The following ERO1B variants were observed in gnomAD, a reference collection of about 807,000 sequenced individuals.
The protein encoded by ERO1B is endoplasmic reticulum oxidoreductase 1 beta, also known as ERO1-like protein beta.
In ERO1B, 49 loss-of-function variants were observed where a neutral mutation model predicts 75.3. The observed-to-expected ratio is 0.65, with a 90% CI of 0.52 to 0.83. The LOEUF (loss-of-function observed/expected upper bound fraction) is 0.83, where lower values mean the gene tolerates loss of function less well. Among genes scored for constraint, ERO1B ranks in the 40% least tolerant of loss-of-function variants. The pLI is 0.00. For synonymous variants in ERO1B, 191 were observed against 192.9 expected, an observed-to-expected ratio of 0.99 and a Z score of 0.08; for missense variants, 512 against 560.1, an observed-to-expected ratio of 0.91 and a Z score of 0.87.
At chr1:236,267,604 C>T (rs1355340941) in intron 2 of ERO1B, among the ~76,000 whole-genome samples, 1 of 152,146 alleles carries the variant, frequency 6.6e-6, no homozygotes, top group African/African-American at 2.4e-5. Context: ...ACACTTCCCC[C>T]ACTGTATTAC....
At chr1:236,225,636 T>G (rs949838548) in intron 12 of ERO1B, among the ~76,000 whole-genome samples, 1 of 152,200 alleles carries the variant, frequency 6.6e-6, no homozygotes, top group Non-Finnish European at 1.5e-5. Context: ...CATCTAAATT[T>G]AAATATAGTG....
At chr1:236,255,395 C>A (rs1749565) in intron 2 of ERO1B, among the ~76,000 whole-genome samples, 37,899 of 151,950 alleles carry the variant, frequency 0.25, 4,898 homozygotes, top group East Asian at 0.38. Context: ...AGTATGCAAC[C>A]TCTACCCCAA....
In ERO1B at chr1:236,279,028, T is replaced by C. The variant is rs1257598872; in HGVS notation, c.102+2654A>G. Among the ~76,000 whole-genome samples the C allele has an allele frequency of 2.6e-5, 4 of 152,338 alleles. No individual in the cohort carries two copies. In the East Asian group the frequency reaches 7.7e-4, roughly 29 times the overall value. On this transcript the variant is annotated intron_variant, in intron 1 of 15. Transcript: ENST00000354619. ...TTCCTATTTTCCATCTCTTTTTCTA[T>C]ACTAGAGAGAACTGAAAATACCAAC...
chr1:236,267,565 T>C (rs932802157), intron 2 of ERO1B, among the ~76,000 whole-genome samples: 2 of 152,224 alleles, frequency 1.3e-5, no homozygotes, highest in Non-Finnish European at 2.9e-5. Context: ...ACTGGACCAC[T>C]TGTGAAGAGA....
intron 4 of ERO1B, chr1:236,251,440 TA>T: frequency 1.0e-6 from 1 of 961,822 alleles, no homozygotes; most frequent in South Asian, 4.8e-5. Context: ...GAAGCAAAAA[TA>T]AATACAATAA....
At chr1:236,234,709 A>C (rs1472485262) in intron 8 of ERO1B, among the ~76,000 whole-genome samples, 2 of 152,178 alleles carry the variant, frequency 1.3e-5, no homozygotes, top group Admixed American at 1.3e-4. Context: ...TTCCAAGTCT[A>C]TTTGGTTCTC....
chr1:236,218,303 C>A lies in ERO1B; in HGVS notation c.*213G>T. On this transcript the variant is annotated 3_prime_UTR_variant, in exon 16 of 16. Coordinates refer to ENST00000354619, the MANE Select transcript of ERO1B (RefSeq NM_019891.4). ...GAAATTAAACACAAAATTAGTATAA[C>A]TTACATGTTTTAAAAGTATATACTT... 3.6e-6 allele frequency: 1 copy of A among 277,980 alleles called. No homozygotes were observed. The highest frequency in any genetic ancestry group is 6.3e-6 in the Non-Finnish European group (1 of 158,308). 17.2% of individuals were successfully genotyped at this position (277,980 alleles called of 1,614,324 possible). A position where few individuals can be genotyped will look rare whatever the true frequency, so the allele number is the denominator to read the frequency against.
At chr1:236,231,425 A>G (rs908441163) in intron 9 of ERO1B, among the ~76,000 whole-genome samples, 2 of 152,032 alleles carry the variant, frequency 1.3e-5, no homozygotes, top group Non-Finnish European at 1.5e-5. Flanking sequence ...TTCGCCAAAA[A>G]AATGGTATGT....
intron 5 of ERO1B, 97 bp from the exon 6 acceptor site, chr1:236,243,592 C>A: frequency 1.3e-6 from 1 of 750,622 alleles, no homozygotes; most frequent in South Asian, 2.3e-5. Context: ...AATCTGAGGT[C>A]AGTTAAAGAT....
Position 236,281,834 on chromosome 1 carries a change from C to G in ERO1B, c.-51G>C. ...AGCCGGACCCCTCGGGGCCGGGGAA[C>G]GACGGGCGGCCCAGGCGACGACCCA... On this transcript the variant is annotated 5_prime_UTR_variant, in exon 1 of 16. Coordinates refer to ENST00000354619, the MANE Select transcript of ERO1B (RefSeq NM_019891.4). 1 of 1,311,352 alleles carries G rather than the reference C, an allele frequency of 7.6e-7. No homozygotes were observed. The highest frequency in any genetic ancestry group is 9.9e-7 in the Non-Finnish European group (1 of 1,011,334). The allele number at this position is 1,311,352 out of a possible 1,614,324, so 81.2% of individuals were successfully genotyped here.
At chr1:236,237,501 T>C (rs1487717797) in intron 6 of ERO1B, among the ~76,000 whole-genome samples, 1 of 152,192 alleles carries the variant, frequency 6.6e-6, no homozygotes, top group Non-Finnish European at 1.5e-5. Flanking sequence ...TGAATAGAAA[T>C]GGGAAACGTG....
Position 236,215,602 on chromosome 1 carries a change from A to G in ERO1B, c.*2914T>C, listed in dbSNP as rs1311186579. 6.6e-6 allele frequency: 1 copy of G among 152,242 alleles called. No individual in the cohort carries two copies. The highest frequency in any genetic ancestry group is 2.4e-5 in the African/African-American group (1 of 41,472). The allele number at this position is 152,242 out of a possible 1,614,324, so 9.4% of individuals were successfully genotyped here. ...TCACATTTTCTAGATTCTGGTGGGT[A>G]CAACAGTAAATTATTTGGAATTCTG... On this transcript the variant is annotated 3_prime_UTR_variant, in exon 16 of 16. Coordinates refer to ENST00000354619, the MANE Select transcript of ERO1B (RefSeq NM_019891.4).
chr1:236,277,559 G>C (rs1482190542), intron 1 of ERO1B, among the ~76,000 whole-genome samples: 1 of 152,136 alleles, frequency 6.6e-6, no homozygotes, highest in Non-Finnish European at 1.5e-5. Context: ...CAAGTGAAGG[G>C]GCTGCCTTTG....
Position 236,250,241 on chromosome 1 carries a change from G to A in ERO1B, c.349-274C>T, listed in dbSNP as rs567008308. 1.5e-3 allele frequency among the ~76,000 whole-genome samples: 228 copies of A among 152,098 alleles called. 4 individuals carry two copies. In the South Asian group the frequency reaches 0.017, roughly 11 times the overall value. ...AATCAGCACTTTGGGAGGCCAAGGC[G>A]GGCGGATCACTTGAGGTCAGGAGTT... On this transcript the variant is annotated intron_variant, in intron 4 of 15. Transcript: ENST00000354619.
Position 236,281,812 on chromosome 1 carries a change from C to G in ERO1B, c.-29G>C. ...GACCTCTACCCACACCGCGGCCAGC[C>G]GGACCCCTCGGGGCCGGGGAACGAC... On this transcript the variant is annotated 5_prime_UTR_variant, in exon 1 of 16. Coordinates refer to ENST00000354619, the MANE Select transcript of ERO1B (RefSeq NM_019891.4). The G allele has an allele frequency of 7.2e-7, 1 of 1,390,650 alleles. No individual in the cohort carries two copies. The highest frequency in any genetic ancestry group is 9.4e-7 in the Non-Finnish European group (1 of 1,060,732). The allele number at this position is 1,390,650 out of a possible 1,614,324, so 86.1% of individuals were successfully genotyped here. A position where few individuals can be genotyped will look rare whatever the true frequency, so the allele number is the denominator to read the frequency against.
chr1:236,247,227 A>G (rs979855936), intron 5 of ERO1B, among the ~76,000 whole-genome samples: 3 of 152,126 alleles, frequency 2.0e-5, no homozygotes, highest in African/African-American at 7.2e-5. Context: ...TGTATATCCA[A>G]CTGCCTACCT....
chr1:236,236,524 T>C (rs1029374072), intron 6 of ERO1B, 126 bp from the exon 7 acceptor site: 8 of 958,248 alleles, frequency 8.3e-6, no homozygotes, highest in African/African-American at 3.3e-5. Flanking sequence ...ATCTCCAACT[T>C]AAATGGTATA....
chr1:236,260,990 A>G (rs1665282856), intron 2 of ERO1B, among the ~76,000 whole-genome samples: 1 of 150,398 alleles, frequency 6.6e-6, no homozygotes. Flanking sequence ...TATCCCAGAG[A>G]TGCAAGAGTA....
rs1665842434 is a variant in ERO1B, at chr1:236,281,795, C to G, written c.-12G>C. ...ACCCCTTGGCTCATGCTGACCTCTACCCACACCGCGGCCAGCCGGACCCCT... is the reference window on the plus strand; with the variant it reads ...ACCCCTTGGCTCATGCTGACCTCTAGCCACACCGCGGCCAGCCGGACCCCT... On this transcript the variant is annotated 5_prime_UTR_variant, in exon 1 of 16. Transcript: ENST00000354619. 5.6e-6 allele frequency: 8 copies of G among 1,434,290 alleles called. No individual in the cohort carries two copies. The highest frequency in any genetic ancestry group is 7.4e-6 in the Non-Finnish European group (8 of 1,087,906). 88.8% of individuals were successfully genotyped at this position (1,434,290 alleles called of 1,614,324 possible). A position where few individuals can be genotyped will look rare whatever the true frequency, so the allele number is the denominator to read the frequency against.
Sources: allele counts gnomAD v4.1 joint callset (sites outside exome capture counted in the v4.1 genomes callset), GRCh38; gene constraint gnomAD v4.1.1; transcripts MANE v1.5; gene names NCBI Gene and HGNC (gene_info 2026-07-23, HGNC 2026-07-21).